Variants in SLC8A2 observed in about 807,000 individuals in gnomAD.
SLC8A2 encodes sodium/calcium exchanger 2.
Under a neutral mutation model 70.2 loss-of-function variants are expected in SLC8A2, and 14 were observed. The ratio of observed to expected loss-of-function variants is 0.20; its 90% confidence interval spans 0.13 to 0.31. SLC8A2 has a LOEUF of 0.31. Among genes scored for constraint, SLC8A2 ranks in the 10% least tolerant of loss-of-function variants. The probability of loss-of-function intolerance (pLI) is 1.00; values close to 1 mark genes in which losing one functional copy is unlikely to be tolerated. For synonymous variants in SLC8A2, 575 were observed against 594.3 expected (o/e 0.97, Z 0.47); for missense variants, 779 against 1,320.1 (o/e 0.59, Z 6.35).
chr19:47,466,272 C>G lies in SLC8A2; in HGVS notation c.132G>C (p.Gln44His), dbSNP rs1967458643. 1 of 1,567,560 alleles carries G rather than the reference C, an allele frequency of 6.4e-7. No individual in the cohort carries two copies. The highest frequency in any genetic ancestry group is 8.7e-7 in the Non-Finnish European group (1 of 1,154,808). ...CCCCCGGCTGGCAGCGGTAGGACCC[C>G]TGGCAGCCCCCTGTGCTGGTGTCGC... Reference protein sequence around the residue: ...NDSDTSTGGCQGSYRCQPGVL... With the variant: ...NDSDTSTGGCHGSYRCQPGVL... Residue 44 changes from glutamine to histidine, a missense_variant, in exon 2 of 10, where the codon CAG (glutamine) becomes CAC (histidine). By Grantham distance (24) the Gln-to-His change is conservative. Around this residue, in one of 6 missense-constraint regions of SLC8A2, gnomAD observed 155 missense variants for 318.6 expected, o/e 0.49. Transcript: ENST00000236877. This position sits in a 1 kb window ranked among gnomAD's most constrained non-coding sequence, Gnocchi z 6.9.
rs1966944761 is a variant in SLC8A2 at position 47,430,577 on chromosome 19, G to A, written c.2390-112C>T. On this transcript the variant is annotated intron_variant, in intron 9 of 9. Transcript: ENST00000236877. This position sits in a 1 kb window ranked among gnomAD's most constrained non-coding sequence, Gnocchi z 5.9. The stretch of plus-strand genomic sequence containing the variant: ...CGGTCGCCTGCTTTCTGCGGGCAGT[G>A]TGGGCTCAAGACCCCTGACCCCCAC... 2 of 1,197,784 alleles carry A rather than the reference G, an allele frequency of 1.7e-6. No individual in the cohort carries two copies. Among genetic ancestry groups the A allele is most frequent in the Non-Finnish European group, 2.3e-6 (2 of 879,430 alleles). 74.2% of individuals were successfully genotyped at this position (1,197,784 alleles called of 1,614,324 possible). A position where few individuals can be genotyped will look rare whatever the true frequency, so the allele number is the denominator to read the frequency against.
Position 47,448,275 on chromosome 19 carries a change from C to A in SLC8A2, c.1341-44G>T. The A allele has an allele frequency of 6.7e-7, 1 of 1,497,464 alleles. No individual in the cohort carries two copies. The highest frequency in any genetic ancestry group is 1.2e-5 in the South Asian group (1 of 80,852). 92.8% of individuals were successfully genotyped at this position (1,497,464 alleles called of 1,614,324 possible). On this transcript the variant is annotated intron_variant, in intron 3 of 9. Transcript: ENST00000236877. The surrounding 1 kb of genome is among the most constrained non-coding windows in gnomAD (Gnocchi z 4.8). Reference sequence around the variant, plus strand: ...GGGGAAGAGCGGGGTGAGGGTCGGTCATCGGCTGTGTGTTGTACGGGGGGA... The same window carrying A: ...GGGGAAGAGCGGGGTGAGGGTCGGTAATCGGCTGTGTGTTGTACGGGGGGA...
At chr19:47,467,328 T>G (rs139669824) in intron 1 of SLC8A2, among the ~76,000 whole-genome samples, 1 of 152,326 alleles carries the variant, frequency 6.6e-6, no homozygotes, top group Non-Finnish European at 1.5e-5. Context: ...GCTCTGAGTT[T>G]GTTAGGAGAT....
At chr19:47,451,383 A>C (rs1173488888) in intron 3 of SLC8A2, among the ~76,000 whole-genome samples, 2 of 152,092 alleles carry the variant, frequency 1.3e-5, no homozygotes, top group Non-Finnish European at 2.9e-5. Flanking sequence ...ATCCCAGCTC[A>C]CTGCAGCCTC....
chr19:47,432,768 A>C lies in SLC8A2; in HGVS notation c.2111-323T>G, dbSNP rs1966981290. On this transcript the variant is annotated intron_variant, in intron 8 of 9. Transcript: ENST00000236877. This position sits in a 1 kb window ranked among gnomAD's most constrained non-coding sequence, Gnocchi z 6.2. ...AGGGGCATGACTGAGTCCAGGTAAA[A>C]AAATTTTACTTTCCCAGAATCCCTT... Among the ~76,000 whole-genome samples the C allele has an allele frequency of 6.6e-6, 1 of 152,098 alleles. No homozygotes were observed. Among genetic ancestry groups the C allele is most frequent in the Non-Finnish European group, 1.5e-5 (1 of 68,028 alleles).
intron 3 of SLC8A2, among the ~76,000 whole-genome samples, chr19:47,452,397 G>GGAGAGAGAGA (rs56184564): frequency 4.3e-4 from 28 of 65,496 alleles, no homozygotes; most frequent in Admixed American, 2.2e-3. Context: ...ATATATATAT[G>GGAGAGAGAGA]GAGAGAGAGA....
intron 4 of SLC8A2, among the ~76,000 whole-genome samples, chr19:47,445,927 C>G (rs906482520): frequency 5.9e-5 from 9 of 152,120 alleles, no homozygotes; most frequent in African/African-American, 2.2e-4. Flanking sequence ...CCAAGCCAGA[C>G]AGAGAGAGAG....
At chr19:47,469,113 T>TGTGTGC (rs1491369099) in intron 1 of SLC8A2, among the ~76,000 whole-genome samples, 2 of 119,176 alleles carry the variant, frequency 1.7e-5, no homozygotes, top group South Asian at 3.0e-4. Flanking sequence ...GGAGCATGCC[T>TGTGTGC]GTGTGCGTGT....
chr19:47,447,692 C>T lies in SLC8A2; in HGVS notation c.1763+117G>A. On this transcript the variant is annotated intron_variant, in intron 4 of 9. Coordinates refer to ENST00000236877, the MANE Select transcript of SLC8A2 (RefSeq NM_015063.3). This position sits in a 1 kb window ranked among gnomAD's most constrained non-coding sequence, Gnocchi z 5.1. ...CGCAGGCCCCTCCCCTCCCGAGGCC[C>T]AACCAAGACCCGCCCACTATGTGGG... is the stretch of plus-strand genomic sequence containing the variant. The T allele has an allele frequency of 8.5e-7, 1 of 1,175,440 alleles. No individual in the cohort carries two copies. Among genetic ancestry groups the T allele is most frequent in the Non-Finnish European group, 1.1e-6 (1 of 878,636 alleles). 72.8% of individuals were successfully genotyped at this position (1,175,440 alleles called of 1,614,324 possible).
rs557462371 is a variant in SLC8A2, at chr19:47,466,988, C to T, written c.-16-569G>A. The stretch of plus-strand genomic sequence containing the variant: ...AGGAGAATCACTTGAACCTGGGAGG[C>T]GGAGGTTGCAGTGAGCTGAGATGGC... On this transcript the variant is annotated intron_variant, in intron 1 of 9. Coordinates refer to ENST00000236877, the MANE Select transcript of SLC8A2 (RefSeq NM_015063.3). This position sits in a 1 kb window ranked among gnomAD's most constrained non-coding sequence, Gnocchi z 6.9. Among the ~76,000 whole-genome samples the T allele has an allele frequency of 2.6e-5, 4 of 152,130 alleles. No individual in the cohort carries two copies. The highest frequency in any genetic ancestry group is 6.5e-5 in the Admixed American group (1 of 15,278).
rs190185486 is a variant in SLC8A2 at position 47,465,109 on chromosome 19, C to T, written c.675+620G>A. ...TGAATAATGAATGAATTATGCAAACCGTGATTACATATCTGGCAAATGGCT... is the reference window on the plus strand; with the variant it reads ...TGAATAATGAATGAATTATGCAAACTGTGATTACATATCTGGCAAATGGCT... On this transcript the variant is annotated intron_variant, in intron 2 of 9. Transcript: ENST00000236877. This position sits in a 1 kb window ranked among gnomAD's most constrained non-coding sequence, Gnocchi z 5.5. Among the ~76,000 whole-genome samples, 282 of 152,196 alleles carry T rather than the reference C, an allele frequency of 1.9e-3. 2 individuals are homozygous for T. The highest frequency in any genetic ancestry group is 9.8e-3 in the South Asian group (47 of 4,818).
chr19:47,451,784 A>G (rs1354782122), intron 3 of SLC8A2, among the ~76,000 whole-genome samples: 8 of 152,328 alleles, frequency 5.3e-5, no homozygotes, highest in Middle Eastern at 3.4e-3. Flanking sequence ...CAGGACTCCA[A>G]TCATCAGGAA....
chr19:47,449,580 T>C (rs1405342245), intron 3 of SLC8A2, among the ~76,000 whole-genome samples: 1 of 152,122 alleles, frequency 6.6e-6, no homozygotes, highest in East Asian at 1.9e-4. Context: ...TGTCTTGGCT[T>C]CCCAAAGTGC....
At chr19:47,452,527 G>A (rs1196099388) in intron 3 of SLC8A2, among the ~76,000 whole-genome samples, 3 of 139,558 alleles carry the variant, frequency 2.1e-5, no homozygotes, top group East Asian at 2.3e-4. Flanking sequence ...GCAGTGGCGC[G>A]ATCTTGGCTC....
In SLC8A2 at chr19:47,429,907, A is replaced by C. The variant is rs1164137689; in HGVS notation, c.*182T>G. 1.6e-6 allele frequency: 1 copy of C among 613,654 alleles called. No individual in the cohort carries two copies. Among genetic ancestry groups the C allele is most frequent in the Non-Finnish European group, 2.8e-6 (1 of 361,780 alleles). 38.0% of individuals were successfully genotyped at this position (613,654 alleles called of 1,614,324 possible). ...GGGAGGCTCCCGAGAGGAAGAGGGAAGGCTGAGCTACTGGGGACACAGAAC... is the reference window on the plus strand; with the variant it reads ...GGGAGGCTCCCGAGAGGAAGAGGGACGGCTGAGCTACTGGGGACACAGAAC... On this transcript the variant is annotated 3_prime_UTR_variant, in exon 10 of 10. Transcript: ENST00000236877.
chr19:47,430,018 G>C lies in SLC8A2; in HGVS notation c.*71C>G, dbSNP rs1208810186. Reference sequence around the variant, plus strand: ...CGAGTCTGGGGGGAAAAGGAGACCAGGGTCCAAGAGCAGGTGCAGCCGAGT... The same window carrying C: ...CGAGTCTGGGGGGAAAAGGAGACCACGGTCCAAGAGCAGGTGCAGCCGAGT... On this transcript the variant is annotated 3_prime_UTR_variant, in exon 10 of 10. Transcript: ENST00000236877. This position sits in a 1 kb window ranked among gnomAD's most constrained non-coding sequence, Gnocchi z 5.9. 4 of 1,461,492 alleles carry C rather than the reference G, an allele frequency of 2.7e-6. No individual in the cohort carries two copies. Among genetic ancestry groups the C allele is most frequent in the African/African-American group, 1.4e-5 (1 of 70,450 alleles). 90.5% of individuals were successfully genotyped at this position (1,461,492 alleles called of 1,614,324 possible).
intron 3 of SLC8A2, among the ~76,000 whole-genome samples, chr19:47,451,581 T>C (rs560924839): frequency 6.6e-6 from 1 of 152,350 alleles, no homozygotes; most frequent in Admixed American, 6.5e-5. Flanking sequence ...AGTGCTGGGA[T>C]TGCAGGCATG....
In SLC8A2 at chr19:47,456,921, G is replaced by A; in HGVS notation, c.1340+9C>T. 1 of 1,581,898 alleles carries A rather than the reference G, an allele frequency of 6.3e-7. No homozygotes were observed. Among genetic ancestry groups the A allele is most frequent in the South Asian group, 1.2e-5 (1 of 86,898 alleles). ...GCCCCCTGCACACCCCCCACCCCGG[G>A]GGACCCACCTGTACTCGTAGTCGGA... On this transcript the variant is annotated intron_variant, in intron 3 of 9. Transcript: ENST00000236877.
intron 6 of SLC8A2, among the ~76,000 whole-genome samples, chr19:47,439,120 A>G (rs1599846371): frequency 6.6e-6 from 1 of 152,128 alleles, no homozygotes; most frequent in Non-Finnish European, 1.5e-5. Flanking sequence ...TGCCCTGTTC[A>G]CCAGCAGCAA....
Sources: allele counts gnomAD v4.1 joint callset (sites outside exome capture counted in the v4.1 genomes callset), GRCh38; gene constraint gnomAD v4.1.1; regional missense constraint gnomAD v4.1.1; non-coding constraint Gnocchi (gnomAD v3.1); transcripts MANE v1.5; gene names NCBI Gene and HGNC (gene_info 2026-07-23, HGNC 2026-07-21).